ALK: variants seen among roughly 807,000 people sequenced by gnomAD.
The protein encoded by ALK is ALK tyrosine kinase receptor.
In ALK, 74 loss-of-function variants were observed where a neutral mutation model predicts 163.1. The ratio of observed to expected loss-of-function variants is 0.45; its 90% confidence interval spans 0.38 to 0.55. ALK has a LOEUF of 0.55. ALK is among the 20% of genes least tolerant of loss of function. The pLI, the probability that ALK is intolerant of heterozygous loss-of-function variation, is 0.00. For missense variants in ALK, 2,063 were observed against 2,105.3 expected (o/e 0.98, Z 0.39); for synonymous variants, 960 against 843.2 (o/e 1.14, Z -2.40).
intron 1 of ALK, among the ~76,000 whole-genome samples, chr2:29,887,513 GC>G (rs1667014899): frequency 6.6e-6 from 1 of 152,196 alleles, no homozygotes; most frequent in Non-Finnish European, 1.5e-5. Flanking sequence ...TCACAAGCCT[GC>G]CTAGATTCAA....
intron 4 of ALK, among the ~76,000 whole-genome samples, chr2:29,502,483 A>G (rs1414686402): frequency 6.6e-6 from 1 of 152,178 alleles, no homozygotes; most frequent in Non-Finnish European, 1.5e-5. Context: ...TGGATCACTC[A>G]ACGTTTTATT....
At chr2:29,663,794 A>T (rs1677425099) in intron 3 of ALK, among the ~76,000 whole-genome samples, 1 of 152,208 alleles carries the variant, frequency 6.6e-6, no homozygotes, top group African/African-American at 2.4e-5. Context: ...GAAAATTATA[A>T]CTAATAGGTC....
At chr2:29,833,394 T>G (rs1476713716) in intron 1 of ALK, among the ~76,000 whole-genome samples, 1 of 152,224 alleles carries the variant, frequency 6.6e-6, no homozygotes, top group Non-Finnish European at 1.5e-5. Context: ...ATCTGCCTGT[T>G]TTCAGGTCCA....
intron 4 of ALK, among the ~76,000 whole-genome samples, chr2:29,402,947 T>C (rs1376996952): frequency 1.3e-5 from 2 of 152,146 alleles, no homozygotes; most frequent in Non-Finnish European, 2.9e-5. Context: ...TCTCCTAGAT[T>C]CTGTAGGTTG....
chr2:29,214,094 A>C lies in ALK; in HGVS notation c.3646-13T>G. 1 of 1,612,014 alleles carries C rather than the reference A, an allele frequency of 6.2e-7. No homozygotes were observed. Among genetic ancestry groups the C allele is most frequent in the Non-Finnish European group, 8.5e-7 (1 of 1,178,166 alleles). Reference sequence around the variant, plus strand: ...AGGAGGGCTGGCTCTGTGGGGAGACAGAAGCGGGCCACTGACGAGGAGCTT... The same window carrying C: ...AGGAGGGCTGGCTCTGTGGGGAGACCGAAGCGGGCCACTGACGAGGAGCTT... On this transcript the variant is annotated splice_polypyrimidine_tract_variant and intron_variant, in intron 23 of 28. Transcript: ENST00000389048.
At chr2:29,611,908 A>G (rs1296906315) in intron 3 of ALK, among the ~76,000 whole-genome samples, 2 of 152,202 alleles carry the variant, frequency 1.3e-5, no homozygotes, top group Non-Finnish European at 2.9e-5. Context: ...TTCGTAAATT[A>G]CCAGTCTCGG....
chr2:29,242,379 A>G (rs1040697815), intron 12 of ALK, among the ~76,000 whole-genome samples: 1 of 152,254 alleles, frequency 6.6e-6, no homozygotes, highest in Non-Finnish European at 1.5e-5. Flanking sequence ...CATCATTTGC[A>G]TAGTCATTTG....
intron 4 of ALK, among the ~76,000 whole-genome samples, chr2:29,391,055 G>A (rs959543544): frequency 2.7e-4 from 41 of 152,114 alleles, no homozygotes; most frequent in African/African-American, 8.9e-4. Flanking sequence ...TCTGTAGGGG[G>A]GGCCAAGGCA....
At chr2:29,572,102 G>T (rs1031298404) in intron 3 of ALK, among the ~76,000 whole-genome samples, 2 of 152,186 alleles carry the variant, frequency 1.3e-5, no homozygotes, top group Admixed American at 1.3e-4. Context: ...TGCAAGGTGG[G>T]AAGTCAAGTC....
chr2:29,764,253 T>A (rs961825094), intron 1 of ALK, among the ~76,000 whole-genome samples: 1 of 152,098 alleles, frequency 6.6e-6, no homozygotes, highest in African/African-American at 2.4e-5. Flanking sequence ...TCCAAGTGAT[T>A]GTGGGGAGGG....
intron 1 of ALK, among the ~76,000 whole-genome samples, chr2:29,859,737 T>C (rs866539238): frequency 1.3e-5 from 2 of 152,036 alleles, no homozygotes; most frequent in African/African-American, 2.4e-5. Context: ...AGAGGAAGGA[T>C]GTCAGGGGAG....
intron 23 of ALK, 53 bp from the exon 24 acceptor site, chr2:29,214,134 G>A (rs769292565): frequency 2.0e-5 from 30 of 1,504,474 alleles, no homozygotes; most frequent in Non-Finnish European, 2.8e-5. Flanking sequence ...GTGAGAGGAG[G>A]GAAATCTGAA....
chr2:29,716,518 A>G (rs1472033846), intron 2 of ALK, among the ~76,000 whole-genome samples: 2 of 152,176 alleles, frequency 1.3e-5, no homozygotes, highest in Non-Finnish European at 2.9e-5. Flanking sequence ...AGCACAGAGA[A>G]GGAGGAATCT....
chr2:29,847,100 T>C (rs1177608331), intron 1 of ALK, among the ~76,000 whole-genome samples: 1 of 152,166 alleles, frequency 6.6e-6, no homozygotes, highest in Non-Finnish European at 1.5e-5. Flanking sequence ...GGAATCTCAC[T>C]GTGGGTTGGA....
intron 4 of ALK, among the ~76,000 whole-genome samples, chr2:29,428,247 G>A (rs966996326): frequency 1.3e-5 from 2 of 151,988 alleles, no homozygotes; most frequent in South Asian, 2.1e-4. Context: ...ACTAAAACAT[G>A]CAGAGACTGT....
chr2:29,864,749 A>C (rs1177456748), intron 1 of ALK, among the ~76,000 whole-genome samples: 1 of 152,224 alleles, frequency 6.6e-6, no homozygotes, highest in African/African-American at 2.4e-5. Flanking sequence ...AGATCACTCC[A>C]CACATGCCCA....
chr2:29,349,966 T>C (rs1485895068), intron 5 of ALK, among the ~76,000 whole-genome samples: 2 of 152,188 alleles, frequency 1.3e-5, no homozygotes, highest in African/African-American at 4.8e-5. Flanking sequence ...AACAGGAATG[T>C]TACCCACTCA....
intron 3 of ALK, among the ~76,000 whole-genome samples, chr2:29,585,289 G>A (rs1475390242): frequency 6.6e-6 from 1 of 152,162 alleles, no homozygotes; most frequent in African/African-American, 2.4e-5. Context: ...ACCAGAGAAA[G>A]TTATGCAGTT....
chr2:29,739,668 A>G (rs1438589060), intron 1 of ALK, among the ~76,000 whole-genome samples: 1 of 152,052 alleles, frequency 6.6e-6, no homozygotes, highest in Non-Finnish European at 1.5e-5. Context: ...AGGTTAATAT[A>G]TTCGAGCCTC....
Sources: gnomAD v4.1 joint callset for allele counts (sites outside exome capture counted in the v4.1 genomes callset) on GRCh38, gnomAD v4.1.1 for gene constraint, MANE v1.5 for transcripts, NCBI Gene and HGNC (gene_info 2026-07-23, HGNC 2026-07-21) for gene names.